Variants in CTNNA2 observed in about 807,000 individuals in gnomAD.
The protein encoded by CTNNA2 is catenin alpha 2, also known as catenin alpha-2.
Under a neutral mutation model 101.0 loss-of-function variants are expected in CTNNA2, and 42 were observed. The observed-to-expected ratio is 0.42, with a 90% CI of 0.32 to 0.54. The LOEUF (loss-of-function observed/expected upper bound fraction) is 0.54. CTNNA2 is among the 20% of genes least tolerant of loss of function. The probability of loss-of-function intolerance (pLI) is 0.14; values close to 1 mark genes in which losing one functional copy is unlikely to be tolerated. For missense variants in CTNNA2, 871 were observed against 1,223.1 expected (o/e 0.71, Z 4.29); for synonymous variants, 450 against 456.4 (o/e 0.99, Z 0.18).
intron 2 of CTNNA2, among the ~76,000 whole-genome samples, chr2:79,303,298 G>C (rs1409198023): frequency 6.6e-6 from 1 of 152,106 alleles, no homozygotes; most frequent in Non-Finnish European, 1.5e-5. Flanking sequence ...ACTACATCAC[G>C]CTATCCCAGG....
At chr2:80,337,112 T>C (rs1276136101) in intron 7 of CTNNA2, among the ~76,000 whole-genome samples, 1 of 152,008 alleles carries the variant, frequency 6.6e-6, no homozygotes, top group Non-Finnish European at 1.5e-5. Context: ...TCCCAGCACT[T>C]TGGGAGGCCG....
intron 7 of CTNNA2, among the ~76,000 whole-genome samples, chr2:80,274,348 G>A (rs17018937): frequency 0.024 from 3,674 of 152,226 alleles, 56 homozygotes; most frequent in South Asian, 0.042. Context: ...GTAATACTCC[G>A]TATAGCAATA....
At chr2:79,624,166 A>G (rs1281658359) in intron 1 of CTNNA2, among the ~76,000 whole-genome samples, 1 of 152,194 alleles carries the variant, frequency 6.6e-6, no homozygotes, top group Non-Finnish European at 1.5e-5. Context: ...TTAAAAAAAG[A>G]AAAGATTATC....
chr2:80,297,710 C>G (rs1305491146), intron 7 of CTNNA2, among the ~76,000 whole-genome samples: 1 of 152,036 alleles, frequency 6.6e-6, no homozygotes, highest in Non-Finnish European at 1.5e-5. Context: ...AATATATTCC[C>G]ATTTGCTGGC....
chr2:79,579,206 C>T (rs1675991047), intron 1 of CTNNA2, among the ~76,000 whole-genome samples: 1 of 147,520 alleles, frequency 6.8e-6, no homozygotes, highest in East Asian at 2.0e-4. Context: ...CTTCCTTCCT[C>T]CTTCCCTCCC....
At chr2:80,383,496 C>A (rs1676702675) in intron 7 of CTNNA2, among the ~76,000 whole-genome samples, 1 of 152,156 alleles carries the variant, frequency 6.6e-6, no homozygotes, top group African/African-American at 2.4e-5. Context: ...TTAGGTAACA[C>A]TAGGTAGCAT....
At chr2:79,953,444 C>G (rs765211655) in intron 7 of CTNNA2, among the ~76,000 whole-genome samples, 8 of 152,326 alleles carry the variant, frequency 5.3e-5, no homozygotes, top group Non-Finnish European at 1.2e-4. Context: ...TGGACTCCCC[C>G]ACTTTCCCTC....
At chr2:80,460,415 GA>G (rs1021659443) in intron 9 of CTNNA2, among the ~76,000 whole-genome samples, 1 of 152,058 alleles carries the variant, frequency 6.6e-6, no homozygotes, top group African/African-American at 2.4e-5. Flanking sequence ...TGAAGAAAAA[GA>G]AACTGTAACA....
At chr2:79,503,490 C>A (rs1457698693) in intron 4 of CTNNA2, among the ~76,000 whole-genome samples, 1 of 152,140 alleles carries the variant, frequency 6.6e-6, no homozygotes, top group Non-Finnish European at 1.5e-5. Context: ...TGGTGTCACA[C>A]AATTCCCTGA....
At chr2:79,767,728 T>C (rs749237063) in intron 3 of CTNNA2, among the ~76,000 whole-genome samples, 7 of 151,926 alleles carry the variant, frequency 4.6e-5, no homozygotes, top group Non-Finnish European at 1.0e-4. Flanking sequence ...AGAAACATCT[T>C]TGGGGACCTA....
chr2:79,369,935 A>G (rs1677833824), intron 3 of CTNNA2, among the ~76,000 whole-genome samples: 2 of 152,194 alleles, frequency 1.3e-5, no homozygotes, highest in African/African-American at 4.8e-5. Flanking sequence ...GTGTGTTTGC[A>G]TATTATCTAC....
chr2:79,642,201 G>A (rs1680493316), intron 1 of CTNNA2, among the ~76,000 whole-genome samples: 2 of 152,084 alleles, frequency 1.3e-5, no homozygotes, highest in African/African-American at 2.4e-5. Context: ...TGATATTTTT[G>A]TTCAGCAGCA....
chr2:79,242,987 T>TACACAC (rs1409038168), intron 2 of CTNNA2, among the ~76,000 whole-genome samples: 1 of 54,400 alleles, frequency 1.8e-5, no homozygotes, highest in Non-Finnish European at 4.7e-5. Context: ...TATATATATA[T>TACACAC]ATATATACAC....
intron 2 of CTNNA2, among the ~76,000 whole-genome samples, chr2:79,736,923 C>A (rs1239735793): frequency 6.6e-6 from 1 of 152,154 alleles, no homozygotes; most frequent in South Asian, 2.1e-4. Flanking sequence ...TCTCACTTTC[C>A]CAAGTTCCTC....
At chr2:79,781,458 C>T (rs544521845) in intron 3 of CTNNA2, among the ~76,000 whole-genome samples, 1 of 152,268 alleles carries the variant, frequency 6.6e-6, no homozygotes, top group Admixed American at 6.5e-5. Flanking sequence ...TTTTACCCAG[C>T]TCCTATTCAA....
chr2:79,452,819 T>C (rs1236656582), intron 4 of CTNNA2, among the ~76,000 whole-genome samples: 5 of 152,126 alleles, frequency 3.3e-5, no homozygotes, highest in African/African-American at 1.2e-4. Context: ...ATTATCATTC[T>C]AGTCACTCAT....
At chr2:80,283,078 G>C (rs565373409) in intron 7 of CTNNA2, among the ~76,000 whole-genome samples, 1 of 152,194 alleles carries the variant, frequency 6.6e-6, no homozygotes, top group African/African-American at 2.4e-5. Context: ...CATTTAAAAA[G>C]TCATGTAAAT....
intron 9 of CTNNA2, among the ~76,000 whole-genome samples, chr2:80,454,203 T>G (rs1683766994): frequency 6.6e-6 from 1 of 152,192 alleles, no homozygotes; most frequent in Non-Finnish European, 1.5e-5. Flanking sequence ...TTGAGCATCT[T>G]TATCTATGTC....
intron 3 of CTNNA2, among the ~76,000 whole-genome samples, chr2:79,355,395 A>G (rs1213890596): frequency 6.6e-6 from 1 of 152,094 alleles, no homozygotes; most frequent in Non-Finnish European, 1.5e-5. Context: ...GTCATCTACA[A>G]TTTCTTTCAT....
Sources: gnomAD v4.1 joint callset for allele counts (sites outside exome capture counted in the v4.1 genomes callset) on GRCh38, gnomAD v4.1.1 for gene constraint, MANE v1.5 for transcripts, NCBI Gene and HGNC (gene_info 2026-07-23, HGNC 2026-07-21) for gene names.